Variants in PLCG2 observed in about 807,000 individuals in gnomAD.
PLCG2 encodes the protein 1-phosphatidylinositol 4,5-bisphosphate phosphodiesterase gamma-2.
A neutral mutation model predicts 175.6 loss-of-function variants in PLCG2; 69 were observed. The observed-to-expected ratio is 0.39, with a 90% confidence interval of 0.32 to 0.48. The LOEUF (loss-of-function observed/expected upper bound fraction) is 0.48, where lower values mean the gene tolerates loss of function less well. Ranked by LOEUF, PLCG2 falls within the 20% of genes least tolerant of loss-of-function variation. The pLI is 0.91. For synonymous variants in PLCG2, 827 were observed against 624.0 expected, an observed-to-expected ratio of 1.33 and a Z score of -4.85; for missense variants, 1,798 against 1,650.9, an observed-to-expected ratio of 1.09 and a Z score of -1.54.
intron 13 of PLCG2, among the ~76,000 whole-genome samples, chr16:81,897,100 G>A (rs1035929821): frequency 6.6e-6 from 1 of 152,196 alleles, no homozygotes; most frequent in Non-Finnish European, 1.5e-5. Context: ...CATGAGTCTG[G>A]CTGTGTTCCA....
chr16:81,847,323 C>G (rs1025970311), intron 2 of PLCG2, among the ~76,000 whole-genome samples: 1 of 152,206 alleles, frequency 6.6e-6, no homozygotes, highest in Non-Finnish European at 1.5e-5. Flanking sequence ...TCTCTAAGCC[C>G]TGTCATCCTG....
intron 9 of PLCG2, among the ~76,000 whole-genome samples, chr16:81,886,132 C>G (rs368940503): frequency 1.2e-4 from 19 of 152,174 alleles, no homozygotes; most frequent in African/African-American, 4.1e-4. Context: ...CAAGTAGCCT[C>G]GCATCCTAGA....
At chr16:81,906,863 C>A (rs1207673594) in intron 15 of PLCG2, among the ~76,000 whole-genome samples, 3 of 152,074 alleles carry the variant, frequency 2.0e-5, no homozygotes, top group Non-Finnish European at 4.4e-5. Context: ...CATGGCGAAT[C>A]CCCGTCTCTA....
chr16:81,798,037 A>G (rs563265345), intron 2 of PLCG2, among the ~76,000 whole-genome samples: 58 of 151,972 alleles, frequency 3.8e-4, no homozygotes, highest in African/African-American at 1.3e-3. Context: ...CACCATGTTG[A>G]CCAGGCTGGC....
intron 19 of PLCG2, among the ~76,000 whole-genome samples, chr16:81,913,177 C>T (rs959346188): frequency 1.3e-5 from 2 of 152,144 alleles, no homozygotes; most frequent in African/African-American, 2.4e-5. Flanking sequence ...TCTAATGTTA[C>T]CCCAAAACGC....
In PLCG2 at chr16:81,961,059, C is replaced by A. The variant is rs529845115; in HGVS notation, c.*3061C>A. 3 of 231,558 alleles carry A rather than the reference C, an allele frequency of 1.3e-5. No individual in the cohort carries two copies. The highest frequency in any genetic ancestry group is 1.3e-3 in the Middle Eastern group (1 of 776). 14.3% of individuals were successfully genotyped at this position (231,558 alleles called of 1,614,324 possible). A position where few individuals can be genotyped will look rare whatever the true frequency, so the allele number is the denominator to read the frequency against. On this transcript the variant is annotated 3_prime_UTR_variant, in exon 33 of 33. Transcript: ENST00000564138. ...AAAGACTTATCAACAGGGCACAAAT[C>A]TTTTTGCAAATGGATTTTCCAAGTT... is the stretch of plus-strand genomic sequence containing the variant.
At chr16:81,839,028 G>A (rs912843148) in intron 2 of PLCG2, among the ~76,000 whole-genome samples, 12 of 152,030 alleles carry the variant, frequency 7.9e-5, no homozygotes, top group African/African-American at 2.9e-4. Flanking sequence ...GAACCAAGCC[G>A]AGGGTTTTGC....
intron 27 of PLCG2, chr16:81,937,223 C>G (rs541409883): frequency 6.6e-6 from 1 of 152,454 alleles, no homozygotes; most frequent in Admixed American, 6.5e-5. Flanking sequence ...GGTATGACTT[C>G]GCTGAGTTTT....
intron 1 of PLCG2, among the ~76,000 whole-genome samples, chr16:81,741,988 C>G (rs1473995765): frequency 6.6e-6 from 1 of 152,152 alleles, no homozygotes. Context: ...TTCCTCCTAC[C>G]TAGCTGAAAT....
rs34438350 is a variant in PLCG2, at chr16:81,753,342, GTT to G, written c.-144-2505_-144-2504del. Among the ~76,000 whole-genome samples, 489 of 91,120 alleles carry G rather than the reference GTT, an allele frequency of 5.4e-3. 1 individual carries two copies. Among genetic ancestry groups the G allele is most frequent in the East Asian group, 7.7e-3 (25 of 3,230 alleles). The allele number at this position is 91,120 out of a possible 152,430, so 59.8% of individuals were successfully genotyped here. A position where few individuals can be genotyped will look rare whatever the true frequency, so the allele number is the denominator to read the frequency against. On this transcript the variant is annotated intron_variant, in intron 1 of 5. Coordinates refer to the PLCG2 transcript ENST00000565054. Reference sequence around the variant, plus strand: ...CAGCATTGTGTTAAAGTCCTGGCAGGTTTTTTTTTTTTTTTTTTTTTTTTGTA... The same window carrying G: ...CAGCATTGTGTTAAAGTCCTGGCAGGTTTTTTTTTTTTTTTTTTTTTTGTA...
chr16:81,931,323 A>G, intron 24 of PLCG2, 174 bp from the exon 25 acceptor site: 4 of 524,986 alleles, frequency 7.6e-6, no homozygotes, highest in Admixed American at 3.3e-5. Context: ...TCCCTTGAGT[A>G]GTCATCTGTG....
intron 2 of PLCG2, among the ~76,000 whole-genome samples, chr16:81,822,780 A>AAAAAAAAAAAAAT (rs1258934947): frequency 6.6e-6 from 1 of 150,802 alleles, no homozygotes; most frequent in African/African-American, 2.4e-5. Context: ...AAAAAAAAAA[A>AAAAAAAAAAAAAT]AGAAAAAGGC....
At chr16:81,805,637 C>T (rs1911970861) in intron 2 of PLCG2, among the ~76,000 whole-genome samples, 1 of 152,012 alleles carries the variant, frequency 6.6e-6, no homozygotes, top group Non-Finnish European at 1.5e-5. Context: ...TCCCCCACCC[C>T]ACTCACAATG....
At chr16:81,796,415 A>G (rs1425147393) in intron 2 of PLCG2, among the ~76,000 whole-genome samples, 1 of 152,238 alleles carries the variant, frequency 6.6e-6, no homozygotes. Context: ...GGAGATCAGT[A>G]TCCTTTGGCA....
chr16:81,936,092 C>T, intron 26 of PLCG2, 77 bp from the exon 27 acceptor site: 1 of 1,566,776 alleles, frequency 6.4e-7, no homozygotes, highest in Non-Finnish European at 8.6e-7. Context: ...ATCTGAGCAT[C>T]CAGCCATTGC....
chr16:81,927,069 T>C lies in PLCG2; in HGVS notation c.2418-13T>C. ...CTGGTGACAGCGCCCCCATGTCCTC[T>C]CTTCTTATCCAGGTGGAAAGGAGAC... On this transcript the variant is annotated splice_polypyrimidine_tract_variant and intron_variant, in intron 22 of 32. Transcript: ENST00000564138. The C allele has an allele frequency of 6.3e-7, 1 of 1,590,710 alleles. No individual in the cohort carries two copies. The highest frequency in any genetic ancestry group is 8.6e-7 in the Non-Finnish European group (1 of 1,158,572).
At chr16:81,934,566 C>T (rs1910630927) in intron 26 of PLCG2, 35 bp downstream of exon 26, 2 of 1,245,440 alleles carry the variant, frequency 1.6e-6, no homozygotes. Context: ...CCTATAACTC[C>T]AATGAAAACT....
intron 7 of PLCG2, among the ~76,000 whole-genome samples, chr16:81,878,416 T>A (rs1010343508): frequency 2.0e-5 from 3 of 152,178 alleles, no homozygotes; most frequent in Non-Finnish European, 4.4e-5. Flanking sequence ...GTACTGGGTA[T>A]TAGGACTTGG....
intron 7 of PLCG2, among the ~76,000 whole-genome samples, chr16:81,876,075 G>C (rs1438049199): frequency 1.4e-5 from 2 of 143,814 alleles, no homozygotes; most frequent in Admixed American, 1.5e-4. Flanking sequence ...ACCGAGGCTG[G>C]GGTGCAGTGG....
Sources: gnomAD v4.1 joint callset for allele counts (sites outside exome capture counted in the v4.1 genomes callset) on GRCh38, gnomAD v4.1.1 for gene constraint, MANE v1.5 for transcripts, NCBI Gene and HGNC (gene_info 2026-07-23, HGNC 2026-07-21) for gene names.